EPHA3: variants seen among roughly 807,000 people sequenced by gnomAD.
EPHA3 encodes the protein EPH receptor A3.
A neutral mutation model predicts 107.1 loss-of-function variants in EPHA3; 42 were observed. The ratio of observed to expected loss-of-function variants is 0.39; its 90% CI spans 0.31 to 0.51. The LOEUF (loss-of-function observed/expected upper bound fraction) is 0.51, where lower values mean the gene tolerates loss of function less well. Ranked by LOEUF, EPHA3 falls within the 20% of genes least tolerant of loss-of-function variation. The pLI, the probability that EPHA3 is intolerant of heterozygous loss-of-function variation, is 0.78. For synonymous variants in EPHA3, 461 were observed against 424.8 expected (o/e 1.09, Z -1.05); for missense variants, 1,183 against 1,211.2 (o/e 0.98, Z 0.35).
At chr3:89,412,124 T>A (rs1709167003) in intron 9 of EPHA3, among the ~76,000 whole-genome samples, 1 of 151,780 alleles carries the variant, frequency 6.6e-6, no homozygotes, top group Non-Finnish European at 1.5e-5. Flanking sequence ...GTTTAGTAGA[T>A]CTTAGAATCA....
At chr3:89,200,176 G>C (rs1559596893) in intron 2 of EPHA3, among the ~76,000 whole-genome samples, 1 of 152,156 alleles carries the variant, frequency 6.6e-6, no homozygotes, top group Non-Finnish European at 1.5e-5. Context: ...AAATTTGAAT[G>C]TTCTTGAAAG....
chr3:89,480,817 A>C lies in EPHA3; in HGVS notation c.*1315A>C. 4.3e-6 allele frequency: 1 copy of C among 232,442 alleles called. No homozygotes were observed. The highest frequency in any genetic ancestry group is 1.3e-3 in the Middle Eastern group (1 of 780). 14.4% of individuals were successfully genotyped at this position (232,442 alleles called of 1,614,324 possible). A position where few individuals can be genotyped will look rare whatever the true frequency, so the allele number is the denominator to read the frequency against. On this transcript the variant is annotated 3_prime_UTR_variant, in exon 17 of 17. Coordinates refer to ENST00000336596, the MANE Select transcript of EPHA3 (RefSeq NM_005233.6). ...TTAAGAGTCTTCCACTTCAATGCAC[A>C]TGGTGCAGTTTTGGTGTGTAACTTA...
At chr3:89,159,066 A>G (rs1376270633) in intron 2 of EPHA3, among the ~76,000 whole-genome samples, 1 of 152,276 alleles carries the variant, frequency 6.6e-6, no homozygotes, top group African/African-American at 2.4e-5. Context: ...ATTCATTAAT[A>G]TATTAGTTCA....
At chr3:89,116,311 A>G (rs1188828768) in intron 1 of EPHA3, among the ~76,000 whole-genome samples, 1 of 152,206 alleles carries the variant, frequency 6.6e-6, no homozygotes, top group African/African-American at 2.4e-5. Context: ...TGAAGTGTGA[A>G]TTAACAATTG....
chr3:89,185,046 G>A (rs1264125548), intron 2 of EPHA3, among the ~76,000 whole-genome samples: 2 of 151,918 alleles, frequency 1.3e-5, no homozygotes, highest in Admixed American at 6.6e-5. Flanking sequence ...CTGTGAGCTC[G>A]TGCTTTATCT....
intron 13 of EPHA3, among the ~76,000 whole-genome samples, chr3:89,433,470 G>A (rs562147254): frequency 1.3e-5 from 2 of 152,246 alleles, no homozygotes; most frequent in Admixed American, 6.5e-5. Context: ...ATGACACAAT[G>A]CTGTTGGGAT....
chr3:89,396,593 G>A (rs1304475026), intron 6 of EPHA3, among the ~76,000 whole-genome samples: 3 of 152,134 alleles, frequency 2.0e-5, no homozygotes, highest in Non-Finnish European at 4.4e-5. Flanking sequence ...TTTGCCCTGA[G>A]TGGAGTGGCG....
chr3:89,184,559 G>A (rs1244629363), intron 2 of EPHA3, among the ~76,000 whole-genome samples: 1 of 151,984 alleles, frequency 6.6e-6, no homozygotes, highest in Non-Finnish European at 1.5e-5. Flanking sequence ...GCAAACACTG[G>A]AACAACCAAA....
At chr3:89,280,931 C>T (rs1434305146) in intron 3 of EPHA3, among the ~76,000 whole-genome samples, 1 of 152,028 alleles carries the variant, frequency 6.6e-6, no homozygotes, top group African/African-American at 2.4e-5. Flanking sequence ...TATAATAATA[C>T]TAGGTATTAT....
At chr3:89,220,256 G>A (rs1337663734) in intron 3 of EPHA3, among the ~76,000 whole-genome samples, 1 of 152,076 alleles carries the variant, frequency 6.6e-6, no homozygotes, top group Admixed American at 6.5e-5. Context: ...AGCTCGAATT[G>A]GTACTTGACA....
intron 1 of EPHA3, among the ~76,000 whole-genome samples, chr3:89,120,535 C>A (rs1707354417): frequency 6.6e-6 from 1 of 152,134 alleles, no homozygotes; most frequent in Admixed American, 6.5e-5. Flanking sequence ...GTTTTGATAT[C>A]AGTATGACCT....
intron 3 of EPHA3, among the ~76,000 whole-genome samples, chr3:89,273,028 A>T (rs1705716729): frequency 6.6e-6 from 1 of 151,932 alleles, no homozygotes; most frequent in African/African-American, 2.4e-5. Flanking sequence ...TATTTTTCTT[A>T]TCTAAGCAAG....
intron 3 of EPHA3, among the ~76,000 whole-genome samples, chr3:89,281,770 T>A (rs1705953970): frequency 6.6e-6 from 1 of 152,302 alleles, no homozygotes; most frequent in South Asian, 2.1e-4. Context: ...ACAAATCTTG[T>A]GTCCCCTGAA....
At chr3:89,477,534 C>A (rs571932313) in intron 16 of EPHA3, among the ~76,000 whole-genome samples, 1 of 152,020 alleles carries the variant, frequency 6.6e-6, no homozygotes, top group Admixed American at 6.6e-5. Flanking sequence ...CTTAAGAAAT[C>A]GATTAATCCA....
At chr3:89,426,197 G>C (rs1214206521) in intron 11 of EPHA3, among the ~76,000 whole-genome samples, 1 of 151,696 alleles carries the variant, frequency 6.6e-6, no homozygotes, top group Admixed American at 6.6e-5. Context: ...AATACACCTG[G>C]AAGAGCATGC....
chr3:89,130,019 C>T (rs1704172600), intron 2 of EPHA3, among the ~76,000 whole-genome samples: 1 of 151,950 alleles, frequency 6.6e-6, no homozygotes, highest in South Asian at 2.1e-4. Flanking sequence ...AATTCTCACT[C>T]TTGATTTAGG....
chr3:89,318,485 T>A (rs571900534), intron 3 of EPHA3, among the ~76,000 whole-genome samples: 2 of 152,018 alleles, frequency 1.3e-5, no homozygotes, highest in East Asian at 1.9e-4. Flanking sequence ...TTCTGTTGAA[T>A]GATTTGACTT....
rs954428204 is a variant in EPHA3 at position 89,345,507 on chromosome 3, C to G, written c.1306+3417C>G. ...AATAATTTATTCCACGTGCTTTATC[C>G]GTCCCACCCCCATCTCTCTTTCTAT... On this transcript the variant is annotated intron_variant, in intron 5 of 16. Transcript: ENST00000336596. 7.9e-4 allele frequency among the ~76,000 whole-genome samples: 119 copies of G among 150,992 alleles called. 3 individuals are homozygous for G. Among genetic ancestry groups the G allele is most frequent in the Admixed American group, 1.3e-4 (2 of 15,066 alleles).
At chr3:89,335,322 A>T (rs1479444216) in intron 3 of EPHA3, among the ~76,000 whole-genome samples, 1 of 152,002 alleles carries the variant, frequency 6.6e-6, no homozygotes, top group Non-Finnish European at 1.5e-5. Flanking sequence ...GTTCTCTGGG[A>T]CCTCTTTTAT....
Sources: allele counts gnomAD v4.1 joint callset (sites outside exome capture counted in the v4.1 genomes callset), GRCh38; gene constraint gnomAD v4.1.1; transcripts MANE v1.5; gene names NCBI Gene and HGNC (gene_info 2026-07-23, HGNC 2026-07-21).